Variants in PRH1 observed in about 807,000 individuals in gnomAD.
PRH1 encodes proline rich protein HaeIII subfamily 1.
Under a neutral mutation model 7.9 loss-of-function variants are expected in PRH1, and 7 were observed. That is an observed-to-expected ratio of 0.89 (90% CI 0.50 to 1.67). PRH1 has a LOEUF of 1.67. Ranked by LOEUF, PRH1 falls within the 40% of genes most tolerant of loss-of-function variation. The pLI is 0.00. For synonymous variants in PRH1, 45 were observed against 80.8 expected (o/e 0.56, Z 2.38); for missense variants, 109 against 223.6 (o/e 0.49, Z 3.27).
At chr12:11,155,377 G>A (rs916255332) in intron 1 of PRH1, among the ~76,000 whole-genome samples, 5 of 152,144 alleles carry the variant, frequency 3.3e-5, no homozygotes, top group Non-Finnish European at 4.4e-5. Context: ...AGAAGGTACA[G>A]AAACCTGGAA....
At chr12:10,903,475 T>C (rs1949752231) in intron 2 of PRH1, among the ~76,000 whole-genome samples, 1 of 151,672 alleles carries the variant, frequency 6.6e-6, no homozygotes, top group Non-Finnish European at 1.5e-5. Context: ...AACAAGGAAA[T>C]TCTGGACTCT....
At chr12:10,998,880 G>A (rs1940436688) in intron 1 of PRH1, among the ~76,000 whole-genome samples, 1 of 151,986 alleles carries the variant, frequency 6.6e-6, no homozygotes, top group East Asian at 1.9e-4. Context: ...ACTTTACATC[G>A]AAATTTGAGA....
At chr12:10,955,624 A>C (rs956981653) in intron 2 of PRH1, among the ~76,000 whole-genome samples, 1 of 152,168 alleles carries the variant, frequency 6.6e-6, no homozygotes, top group African/African-American at 2.4e-5. Flanking sequence ...AACATACAAA[A>C]GGTCAGTGAA....
At chr12:11,061,116 T>G (rs978253914) in intron 1 of PRH1, among the ~76,000 whole-genome samples, 2 of 115,098 alleles carry the variant, frequency 1.7e-5, no homozygotes, top group Admixed American at 1.9e-4. Flanking sequence ...TTTGGCAGTT[T>G]GTGTGAAAAA....
chr12:10,986,429 A>T, intron 1 of PRH1: 1 of 1,614,110 alleles, frequency 6.2e-7, no homozygotes, highest in Non-Finnish European at 8.5e-7. Context: ...TTGCCACAAG[A>T]AGATGACAAA....
chr12:10,928,421 T>C (rs567541605), intron 2 of PRH1, among the ~76,000 whole-genome samples: 8 of 152,300 alleles, frequency 5.3e-5, no homozygotes, highest in Admixed American at 5.2e-4. Flanking sequence ...CTGGAGAAAG[T>C]GGAGGTCTTA....
At chr12:10,964,738 A>T in intron 2 of PRH1, 1 of 659,730 alleles carries the variant, frequency 1.5e-6, no homozygotes, top group South Asian at 1.6e-5. Context: ...TCTTCTTGAG[A>T]TGTTTACACA....
chr12:10,978,089 AAAAG>A (rs527577271), intron 1 of PRH1, among the ~76,000 whole-genome samples: 3 of 151,614 alleles, frequency 2.0e-5, no homozygotes, highest in Non-Finnish European at 4.4e-5. Flanking sequence ...AAAAAAAAAA[AAAAG>A]AAAGAGCCCA....
chr12:10,939,951 T>G (rs139057533), intron 2 of PRH1, among the ~76,000 whole-genome samples: 130 of 152,308 alleles, frequency 8.5e-4, no homozygotes, highest in African/African-American at 3.1e-3. Context: ...TAGTCATAAA[T>G]CATAACAACA....
intron 1 of PRH1, among the ~76,000 whole-genome samples, chr12:11,026,058 C>T: frequency 1.1e-5 from 1 of 88,776 alleles, no homozygotes; most frequent in South Asian, 3.9e-4. Flanking sequence ...TCTTCTGAGA[C>T]ACAGTCTCCC....
At chr12:10,979,855 T>G (rs1326064601) in intron 1 of PRH1, among the ~76,000 whole-genome samples, 1 of 152,202 alleles carries the variant, frequency 6.6e-6, no homozygotes, top group Non-Finnish European at 1.5e-5. Context: ...CTATGTTTTT[T>G]GTCTAAATAT....
downstream of PRH1, among the ~76,000 whole-genome samples, chr12:11,119,395 G>A (rs984607863): frequency 4.0e-5 from 6 of 151,816 alleles, no homozygotes; most frequent in Non-Finnish European, 8.8e-5. Flanking sequence ...TGATAATTTA[G>A]CTGTACATTT....
intron 1 of PRH1, chr12:11,166,218 T>A (rs1157084984): frequency 6.6e-6 from 1 of 152,274 alleles, no homozygotes; most frequent in East Asian, 1.9e-4. Flanking sequence ...CTTGTATCAG[T>A]GGAGGGTCTT....
chr12:10,978,078 T>TA lies in PRH1; in HGVS notation c.-125-4358dup, dbSNP rs34256878. On this transcript the variant is annotated intron_variant, in intron 1 of 3. Transcript: ENST00000539853. ...AAACTATTTTAAAGTTCATATGGAA[T>TA]AAAAAAAAAAAAAAGAAAGAGCCCA... is the stretch of plus-strand genomic sequence containing the variant. Among the ~76,000 whole-genome samples, 643 of 131,046 alleles carry TA rather than the reference T, an allele frequency of 4.9e-3. 6 individuals carry two copies. The highest frequency in any genetic ancestry group is 0.01 in the African/African-American group (365 of 35,068). The allele number at this position is 131,046 out of a possible 152,430, so 86.0% of individuals were successfully genotyped here.
intron 2 of PRH1, among the ~76,000 whole-genome samples, chr12:10,933,749 A>G (rs181902621): frequency 6.6e-6 from 1 of 152,266 alleles, no homozygotes; most frequent in Non-Finnish European, 1.5e-5. Context: ...TGCTAACCTT[A>G]TGTGTATCTG....
In PRH1 at chr12:10,882,404, G is replaced by C. The variant is rs1268033744; in HGVS notation, c.395C>G (p.Pro132Arg). ...ACGGGGATGGCCTCCCTGTTGGGGT[G>C]GTCCTTGTGGCCTTCCTTGAGGAGG... ...PPPPQGRPQG[P>R]PQQGGHPRPP... Residue 132 changes from proline (P) to arginine (R), a missense_variant, in exon 3 of 4, where the codon CCA (proline) becomes CGA (arginine). Transcript: ENST00000543626. 1 of 1,603,178 alleles carries C rather than the reference G, an allele frequency of 6.2e-7. No homozygotes were observed. Among genetic ancestry groups the C allele is most frequent in the African/African-American group, 1.3e-5 (1 of 74,198 alleles).
chr12:11,005,870 A>C (rs1295624970), intron 1 of PRH1: 1 of 152,168 alleles, frequency 6.6e-6, no homozygotes, highest in Non-Finnish European at 1.5e-5. Context: ...AATATTCAGC[A>C]ATTTTTAAAA....
chr12:11,154,916 C>CCAGCATGTA (rs77047676), intron 1 of PRH1, among the ~76,000 whole-genome samples: 1 of 151,900 alleles, frequency 6.6e-6, no homozygotes, highest in African/African-American at 2.4e-5. Flanking sequence ...CCTGTTTAGT[C>CCAGCATGTA]AAAGAGCGAT....
At chr12:11,060,266 CT>C (rs1315665962) in intron 1 of PRH1, among the ~76,000 whole-genome samples, 1 of 148,968 alleles carries the variant, frequency 6.7e-6, no homozygotes, top group Non-Finnish European at 1.5e-5. Flanking sequence ...AAAATTATAA[CT>C]GTAAAGCACA....
Sources: allele counts gnomAD v4.1 joint callset (sites outside exome capture counted in the v4.1 genomes callset), GRCh38; gene constraint gnomAD v4.1.1; transcripts MANE v1.5; gene names NCBI Gene and HGNC (gene_info 2026-07-23, HGNC 2026-07-21).